Variants in LAMC3 observed in about 807,000 individuals in gnomAD.
LAMC3 encodes laminin subunit gamma 3.
A neutral mutation model predicts 173.8 loss-of-function variants in LAMC3; 128 were observed. The observed-to-expected ratio is 0.74, with a 90% CI of 0.64 to 0.85. The LOEUF (loss-of-function observed/expected upper bound fraction) is 0.85, where lower values mean the gene tolerates loss of function less well. Ranked by LOEUF, LAMC3 falls within the 40% of genes least tolerant of loss-of-function variation. The probability of loss-of-function intolerance (pLI) is 0.00; values close to 1 mark genes in which losing one functional copy is unlikely to be tolerated. For missense variants in LAMC3, 2,022 were observed against 2,156.0 expected (o/e 0.94, Z 1.23); for synonymous variants, 897 against 909.1 (o/e 0.99, Z 0.24).
intron 9 of LAMC3, among the ~76,000 whole-genome samples, chr9:131,051,943 GGTTC>G (rs1317406715): frequency 6.6e-6 from 1 of 152,212 alleles, no homozygotes; most frequent in East Asian, 1.9e-4. Flanking sequence ...AGCGCTTGGT[GGTTC>G]GTGTCTCAGA....
intron 23 of LAMC3, among the ~76,000 whole-genome samples, chr9:131,081,471 C>T (rs1830240266): frequency 1.4e-5 from 2 of 144,810 alleles, no homozygotes; most frequent in African/African-American, 2.5e-5. Context: ...CCCTTCCTTC[C>T]TTTCTTTCTC....
chr9:131,046,870 C>T (rs971651907), intron 8 of LAMC3, among the ~76,000 whole-genome samples: 10 of 139,508 alleles, frequency 7.2e-5, no homozygotes, highest in African/African-American at 2.5e-4. Context: ...AACCTCAGGG[C>T]CGACGCTGGG....
chr9:131,056,789 C>G, intron 11 of LAMC3, 140 bp from the exon 12 acceptor site: 1 of 747,422 alleles, frequency 1.3e-6, no homozygotes, highest in South Asian at 1.4e-5. Context: ...GAATCTGTCT[C>G]AAAAAAAGAA....
chr9:131,083,231 A>G (rs1197755137), intron 24 of LAMC3, among the ~76,000 whole-genome samples: 1 of 152,164 alleles, frequency 6.6e-6, no homozygotes, highest in Non-Finnish European at 1.5e-5. Context: ...TCACTACCTT[A>G]CAAGCTTTTA....
chr9:131,067,929 C>G (rs77206436), intron 14 of LAMC3, 149 bp from the exon 15 acceptor site: 2 of 862,790 alleles, frequency 2.3e-6, no homozygotes, highest in East Asian at 4.9e-5. Flanking sequence ...GGCCCTGGAG[C>G]CTTTTTCCAG....
chr9:131,069,344 G>A (rs762306326), intron 16 of LAMC3, among the ~76,000 whole-genome samples: 8 of 152,252 alleles, frequency 5.3e-5, no homozygotes, highest in Admixed American at 2.0e-4. Context: ...AGTCCCAGAC[G>A]CGCTGTTAAG....
At chr9:131,057,228 G>A in intron 12 of LAMC3, 81 bp downstream of exon 12, 1 of 1,238,128 alleles carries the variant, frequency 8.1e-7, no homozygotes, top group Non-Finnish European at 1.2e-6. Flanking sequence ...AACAGGGCCA[G>A]CCTGGCACAG....
Position 131,026,039 on chromosome 9 carries a change from C to T in LAMC3, c.374-246C>T, listed in dbSNP as rs1404832497. ...CTCAGGGGTGTTGCAACGGAGATTCCTGTGCAGGGTGGCGAGTTGACCCAG... is the reference window on the plus strand; with the variant it reads ...CTCAGGGGTGTTGCAACGGAGATTCTTGTGCAGGGTGGCGAGTTGACCCAG... On this transcript the variant is annotated intron_variant, in intron 1 of 27. Coordinates refer to ENST00000361069, the MANE Select transcript of LAMC3 (RefSeq NM_006059.4). This position sits in a 1 kb window ranked among gnomAD's most constrained non-coding sequence, Gnocchi z 4.8. Among the ~76,000 whole-genome samples the T allele has an allele frequency of 6.6e-6, 1 of 152,158 alleles. No individual in the cohort carries two copies. The highest frequency in any genetic ancestry group is 2.4e-5 in the African/African-American group (1 of 41,424).
rs1161249325 is a variant in LAMC3 at position 131,032,063 on chromosome 9, G to C, written c.697G>C (p.Glu233Gln). 1 of 1,613,996 alleles carries C rather than the reference G, an allele frequency of 6.2e-7. No individual in the cohort carries two copies. The highest frequency in any genetic ancestry group is 1.1e-5 in the South Asian group (1 of 91,078). ...GCCCCAGGAGTGGGTCACCAGCACCGAACTCCTCATCTCTCTAGACCGGCT... is the reference window on the plus strand; with the variant it reads ...GCCCCAGGAGTGGGTCACCAGCACCCAACTCCTCATCTCTCTAGACCGGCT... ...PGLQEWVTST[E>Q]LLISLDRLNT... Residue 233 changes from glutamate to glutamine, a missense_variant, in exon 3 of 28, where the codon GAA becomes CAA. Glu to Gln is a conservative substitution (Grantham distance 29). Transcript: ENST00000361069.
intron 15 of LAMC3, 151 bp downstream of exon 15, chr9:131,068,382 A>G (rs1829978877): frequency 2.5e-6 from 2 of 801,942 alleles, no homozygotes; most frequent in Middle Eastern, 3.7e-4. Flanking sequence ...GAGCAAAGGG[A>G]TGGACTCTTG....
Position 131,069,660 on chromosome 9 carries a change from T to G in LAMC3, c.2891-12T>G. 6.3e-7 allele frequency: 1 copy of G among 1,597,470 alleles called. No homozygotes were observed. The highest frequency in any genetic ancestry group is 8.5e-7 in the Non-Finnish European group (1 of 1,173,674). ...CTCTAAACCCAGCACGCACTGCCCC[T>G]GGCCCCTCTAGCCTGCAGGTGCTCC... On this transcript the variant is annotated splice_polypyrimidine_tract_variant and intron_variant, in intron 16 of 27. Coordinates refer to ENST00000361069, the MANE Select transcript of LAMC3 (RefSeq NM_006059.4).
chr9:131,084,232 T>C (rs1281972859), intron 24 of LAMC3, among the ~76,000 whole-genome samples: 2 of 151,786 alleles, frequency 1.3e-5, no homozygotes, highest in Admixed American at 6.6e-5. Context: ...TTTTTTTGAG[T>C]TGGGGTCTCA....
rs1833516286 is a variant in LAMC3 at position 131,016,129 on chromosome 9, A to G, written c.373+6542A>G. On this transcript the variant is annotated intron_variant, in intron 1 of 27. Transcript: ENST00000361069. The stretch of plus-strand genomic sequence containing the variant: ...AGACGAACCCTGAGGACATTATGCT[A>G]AGGGAAAGAAGCCAGCCAAAAAAGA... 1.3e-5 allele frequency among the ~76,000 whole-genome samples: 2 copies of G among 152,218 alleles called. 1 individual carries two copies. Among genetic ancestry groups the G allele is most frequent in the Non-Finnish European group, 2.9e-5 (2 of 68,040 alleles).
chr9:131,038,790 G>T, intron 4 of LAMC3, 74 bp from the exon 5 acceptor site: 1 of 1,475,454 alleles, frequency 6.8e-7, no homozygotes, highest in South Asian at 1.1e-5. Context: ...AGCACAGGGA[G>T]GCTGACTGAC....
chr9:131,032,576 C>CTT (rs146134917), intron 3 of LAMC3, among the ~76,000 whole-genome samples: 12,044 of 142,926 alleles, frequency 0.084, 753 homozygotes, highest in African/African-American at 0.17. Flanking sequence ...CTTGCTCTCT[C>CTT]TCGCTTGCTC....
intron 23 of LAMC3, among the ~76,000 whole-genome samples, chr9:131,080,611 G>A (rs1830220781): frequency 6.6e-6 from 1 of 152,082 alleles, no homozygotes; most frequent in Non-Finnish European, 1.5e-5. Flanking sequence ...AGGATAAGGG[G>A]GCTGTCTGTG....
intron 22 of LAMC3, among the ~76,000 whole-genome samples, chr9:131,077,676 CAAAAAAAAAAAAAAAAAAAAA>C (rs56320740): frequency 4.0e-4 from 11 of 27,720 alleles, no homozygotes; most frequent in South Asian, 2.3e-3. Context: ...GACTCCATCT[CAAAAAAAAAAAAAAAAAAAAA>C]AAAAAAAAAA....
In LAMC3 at chr9:131,087,521, G is replaced by A. The variant is rs769237766; in HGVS notation, c.4276G>A (p.Ala1426Thr). The A allele has an allele frequency of 4.3e-6, 7 of 1,613,812 alleles. No homozygotes were observed. Among genetic ancestry groups the A allele is most frequent in the Non-Finnish European group, 5.1e-6 (6 of 1,180,014 alleles). Reference sequence around the variant, plus strand: ...GGAGCGGAAACAGGCGCACCGCCGTGCCAGCAGGCTCACCAGCCAGACGCA... The same window carrying A: ...GGAGCGGAAACAGGCGCACCGCCGTACCAGCAGGCTCACCAGCCAGACGCA... ...LRERKQAHRR[A>T]SRLTSQTQAT... Residue 1426 changes from alanine (A) to threonine (T), a missense_variant, in exon 26 of 28, where the codon GCC (alanine) becomes ACC (threonine). Ala to Thr is a moderately conservative substitution (Grantham distance 58). Transcript: ENST00000361069.
At chr9:131,070,544 C>CT (rs1291508966) in intron 17 of LAMC3, among the ~76,000 whole-genome samples, 1 of 152,020 alleles carries the variant, frequency 6.6e-6, no homozygotes, top group Non-Finnish European at 1.5e-5. Flanking sequence ...AACCCTGTCT[C>CT]TACTAAAAAT....
Sources: allele counts gnomAD v4.1 joint callset (sites outside exome capture counted in the v4.1 genomes callset), GRCh38; gene constraint gnomAD v4.1.1; non-coding constraint Gnocchi (gnomAD v3.1); transcripts MANE v1.5; gene names NCBI Gene and HGNC (gene_info 2026-07-23, HGNC 2026-07-21).